WBP1L: variants seen among roughly 807,000 people sequenced by gnomAD.
The protein encoded by WBP1L is WW domain binding protein 1 like.
In WBP1L, 17 loss-of-function variants were observed where a neutral mutation model predicts 33.7. The observed-to-expected ratio is 0.50, with a 90% CI of 0.34 to 0.76. The LOEUF is 0.76. WBP1L is among the 30% of genes least tolerant of loss of function. The probability of loss-of-function intolerance (pLI) is 0.01; values close to 1 mark genes in which losing one functional copy is unlikely to be tolerated. For synonymous variants in WBP1L, 173 were observed against 190.8 expected (o/e 0.91, Z 0.77); for missense variants, 389 against 469.4 (o/e 0.83, Z 1.58).
At chr10:102,772,558 CTTTTTTTTTTTTTT>C (rs34624231) in intron 1 of WBP1L, among the ~76,000 whole-genome samples, 3 of 64,714 alleles carry the variant, frequency 4.6e-5, no homozygotes, top group African/African-American at 1.2e-4. Flanking sequence ...ATGCCCGGCC[CTTTTTTTTTTTTTT>C]TTTTTTTTTT....
At chr10:102,771,107 C>T (rs534540455) in intron 1 of WBP1L, among the ~76,000 whole-genome samples, 3 of 152,150 alleles carry the variant, frequency 2.0e-5, no homozygotes, top group Non-Finnish European at 2.9e-5. Context: ...CAGGGTTGAA[C>T]AAATGATTAT....
intron 1 of WBP1L, among the ~76,000 whole-genome samples, chr10:102,757,714 C>G (rs1406319988): frequency 6.6e-6 from 1 of 150,924 alleles, no homozygotes; most frequent in Non-Finnish European, 1.5e-5. Context: ...GTAGCTGGGA[C>G]TATAGGCGTG....
intron 1 of WBP1L, among the ~76,000 whole-genome samples, chr10:102,759,065 C>T (rs1255842797): frequency 6.6e-6 from 1 of 152,154 alleles, no homozygotes; most frequent in South Asian, 2.1e-4. Flanking sequence ...TTTAGGACTC[C>T]GGATGACTGT....
chr10:102,809,493 T>C (rs1250649359), intron 2 of WBP1L, among the ~76,000 whole-genome samples: 4 of 152,014 alleles, frequency 2.6e-5, no homozygotes, highest in African/African-American at 9.7e-5. Flanking sequence ...TGCCTCAGCC[T>C]CCTGAGTAGC....
intron 1 of WBP1L, among the ~76,000 whole-genome samples, chr10:102,751,387 A>T (rs1040038437): frequency 8.7e-5 from 13 of 148,794 alleles, no homozygotes; most frequent in African/African-American, 3.0e-4. Context: ...GTGCAATCTC[A>T]GCTCACTGCA....
At position 102,810,545 on chromosome 10, in the gene WBP1L, CCTCT is replaced by C. The variant is rs1280830040; in HGVS notation, c.355+502_355+505del. Among the ~76,000 whole-genome samples the C allele has an allele frequency of 2.3e-3, 275 of 120,344 alleles. 2 individuals carry two copies. The highest frequency in any genetic ancestry group is 3.4e-3 in the South Asian group (12 of 3,526). The allele number at this position is 120,344 out of a possible 152,430, so 79.0% of individuals were successfully genotyped here. On this transcript the variant is annotated intron_variant, in intron 3 of 3. Coordinates refer to ENST00000448841, the MANE Select transcript of WBP1L (RefSeq NM_001083913.2). ...TCCTTCCTTCCATCCATCCTCCCTC[CCTCT>C]CTCTCTCTCTATTTCTTTTTTTTTT...
At chr10:102,754,172 A>G (rs978363070) in intron 1 of WBP1L, among the ~76,000 whole-genome samples, 4 of 152,222 alleles carry the variant, frequency 2.6e-5, no homozygotes, top group African/African-American at 9.6e-5. Flanking sequence ...ATGTTGGAAT[A>G]TTGTAACTCT....
intron 1 of WBP1L, among the ~76,000 whole-genome samples, chr10:102,785,037 G>A (rs1033154549): frequency 2.0e-5 from 3 of 151,724 alleles, no homozygotes; most frequent in African/African-American, 4.8e-5. Flanking sequence ...CATCATGCCC[G>A]GCTAAATTTT....
At chr10:102,755,970 G>A (rs997565861) in intron 1 of WBP1L, among the ~76,000 whole-genome samples, 2 of 151,576 alleles carry the variant, frequency 1.3e-5, no homozygotes, top group African/African-American at 4.8e-5. Context: ...GCATGAACCC[G>A]GGAGGCAGAG....
At position 102,809,904 on chromosome 10, in the gene WBP1L, G is replaced by A. The variant is rs751969237; in HGVS notation, c.205G>A (p.Val69Met). 2 of 1,612,672 alleles carry A rather than the reference G, an allele frequency of 1.2e-6. No homozygotes were observed. The highest frequency in any genetic ancestry group is 2.2e-5 in the South Asian group (2 of 90,920). ...YYYELWWFWL[V>M]WTIIIILSCC... ...TGCCCACCCCCCAGGGTTCTGGCTG[G>A]TGTGGACCATCATCATCATCCTGAG... The change falls in exon 3 of 4, where the codon GTG (valine) becomes ATG (methionine). Residue 69 changes from valine to methionine, a missense_variant. Physicochemically the swap from Val to Met is conservative, Grantham distance 21. Transcript: ENST00000448841.
In WBP1L at chr10:102,752,328, G is replaced by A. The variant is rs79950098; in HGVS notation, c.90+8185G>A. ...GAGCTTGGGGTCAGCTTTCTTGCAAGAACAACATAGCATTGTGAAGTGTAT... is the reference window on the plus strand; with the variant it reads ...GAGCTTGGGGTCAGCTTTCTTGCAAAAACAACATAGCATTGTGAAGTGTAT... On this transcript the variant is annotated intron_variant, in intron 1 of 3. Coordinates refer to ENST00000448841, the MANE Select transcript of WBP1L (RefSeq NM_001083913.2). Among the ~76,000 whole-genome samples the A allele has an allele frequency of 7.0e-3, 1,066 of 152,242 alleles. 14 individuals are homozygous for A. The highest frequency in any genetic ancestry group is 0.024 in the African/African-American group (1,017 of 41,534).
intron 1 of WBP1L, among the ~76,000 whole-genome samples, chr10:102,785,330 G>C (rs905888063): frequency 1.4e-4 from 21 of 151,982 alleles, no homozygotes; most frequent in African/African-American, 5.1e-4. Flanking sequence ...TGGGACTACA[G>C]GCGCCTGCCA....
chr10:102,798,067 G>A lies in WBP1L; in HGVS notation c.165G>A (p.Gln55=), dbSNP rs766327192. 9.9e-6 allele frequency: 16 copies of A among 1,614,094 alleles called. No individual in the cohort carries two copies. The South Asian group carries it at 1.2e-4, about 12-fold the overall frequency. ...CAGGACACTGCTGTGGACAGTCTCA[G>A]TGCTGCAACTACTACTATGAACTCT... ...CDTGHCCGQS[Q]CCNYYYELWW... Residue 55 remains glutamine, a synonymous_variant, in exon 2 of 4, where the codon CAG becomes CAA. Coordinates refer to ENST00000448841, the MANE Select transcript of WBP1L (RefSeq NM_001083913.2).
chr10:102,791,134 C>T (rs1407808577), intron 1 of WBP1L, among the ~76,000 whole-genome samples: 3 of 152,170 alleles, frequency 2.0e-5, no homozygotes, highest in African/African-American at 7.2e-5. Flanking sequence ...TTCCAATTCC[C>T]TGTTTCAGGT....
intron 2 of WBP1L, among the ~76,000 whole-genome samples, chr10:102,799,348 A>G (rs1445691414): frequency 1.3e-5 from 2 of 151,804 alleles, no homozygotes; most frequent in East Asian, 3.9e-4. Context: ...GAAAAATGCC[A>G]TGTGGAAACC....
At chr10:102,745,932 A>G (rs1842859055) in intron 1 of WBP1L, among the ~76,000 whole-genome samples, 1 of 152,236 alleles carries the variant, frequency 6.6e-6, no homozygotes, top group African/African-American at 2.4e-5. Flanking sequence ...AAGTATAGGT[A>G]TTGACAACAA....
chr10:102,793,571 C>T (rs753869541), intron 1 of WBP1L, among the ~76,000 whole-genome samples: 5 of 152,120 alleles, frequency 3.3e-5, no homozygotes, highest in Non-Finnish European at 7.3e-5. Context: ...TCTGGAGCAG[C>T]CCACATTGCC....
chr10:102,801,249 T>C (rs924653209), intron 2 of WBP1L, among the ~76,000 whole-genome samples: 6 of 152,170 alleles, frequency 3.9e-5, no homozygotes, highest in Non-Finnish European at 8.8e-5. Context: ...GTTGTTAGTA[T>C]TATCTCCATG....
rs1485584492 is a variant in WBP1L, at chr10:102,792,709, C to G, written c.91-5284C>G. ...TCCCGGGTTCAAGCGATTCTTCTGCCTCAGGCTCCCAAGTAGCTGGGATTA... is the reference window on the plus strand; with the variant it reads ...TCCCGGGTTCAAGCGATTCTTCTGCGTCAGGCTCCCAAGTAGCTGGGATTA... On this transcript the variant is annotated intron_variant, in intron 1 of 3. Coordinates refer to ENST00000448841, the MANE Select transcript of WBP1L (RefSeq NM_001083913.2). 2.6e-5 allele frequency among the ~76,000 whole-genome samples: 4 copies of G among 151,546 alleles called. No homozygotes were observed. In the South Asian group the frequency reaches 8.3e-4, roughly 32 times the overall value.
Sources: allele counts gnomAD v4.1 joint callset (sites outside exome capture counted in the v4.1 genomes callset), GRCh38; gene constraint gnomAD v4.1.1; transcripts MANE v1.5; gene names NCBI Gene and HGNC (gene_info 2026-07-23, HGNC 2026-07-21).